CCDC169: variants seen among roughly 807,000 people sequenced by gnomAD.
The protein encoded by CCDC169 is coiled-coil domain containing 169, also known as coiled-coil domain-containing protein 169.
Under a neutral mutation model 36.0 loss-of-function variants are expected in CCDC169, and 30 were observed. That is an observed-to-expected ratio of 0.83 (90% CI 0.62 to 1.13). The LOEUF (loss-of-function observed/expected upper bound fraction) is 1.13. Among genes scored for constraint, CCDC169 ranks in the 50% most tolerant of loss-of-function variants. The pLI, the probability that CCDC169 is intolerant of heterozygous loss-of-function variation, is 0.00. For missense variants in CCDC169, 245 were observed against 245.9 expected (o/e 1.00, Z 0.03); for synonymous variants, 85 against 81.5 (o/e 1.04, Z -0.23).
At chr13:36,240,595 G>A (rs1445294608) in intron 7 of CCDC169, 2 of 1,274,460 alleles carry the variant, frequency 1.6e-6, no homozygotes, top group African/African-American at 1.5e-5. Context: ...ATTTCCCTCA[G>A]GTTCTTTTGC....
chr13:36,279,156 T>G (rs754038943), intron 4 of CCDC169, among the ~76,000 whole-genome samples: 3 of 151,932 alleles, frequency 2.0e-5, no homozygotes, highest in Admixed American at 6.6e-5. Context: ...TCCTAGCTGG[T>G]TTCTCTGATT....
At chr13:36,258,715 A>T (rs1452679761) in intron 4 of CCDC169, among the ~76,000 whole-genome samples, 1 of 149,768 alleles carries the variant, frequency 6.7e-6, no homozygotes, top group Non-Finnish European at 1.5e-5. Flanking sequence ...GCATATAATC[A>T]AGAAATAAGC....
intron 4 of CCDC169, among the ~76,000 whole-genome samples, chr13:36,266,974 A>C (rs1875397738): frequency 6.6e-6 from 1 of 152,218 alleles, no homozygotes; most frequent in East Asian, 1.9e-4. Flanking sequence ...ATGGGATTAC[A>C]TGTACAAGGA....
chr13:36,230,815 T>A lies in CCDC169; in HGVS notation c.*378A>T. 1 of 989,550 alleles carries A rather than the reference T, an allele frequency of 1.0e-6. No homozygotes were observed. The highest frequency in any genetic ancestry group is 1.2e-6 in the Non-Finnish European group (1 of 832,916). The allele number at this position is 989,550 out of a possible 1,614,324, so 61.3% of individuals were successfully genotyped here. On this transcript the variant is annotated 3_prime_UTR_variant, in exon 8 of 8. Transcript: ENST00000239859. Reference sequence around the variant, plus strand: ...CTGCAATTTAAAAAACTGAGCAAGATCCAGCCCAAAATGGCAAAAAGGTTT... The same window carrying A: ...CTGCAATTTAAAAAACTGAGCAAGAACCAGCCCAAAATGGCAAAAAGGTTT...
Position 36,254,029 on chromosome 13 carries a change from T to C in CCDC169, c.414+16A>G. The stretch of plus-strand genomic sequence containing the variant: ...GCAGTTTCAAAGGAATTGCTAAGTA[T>C]AGAGTAAAAACAAACCTTTGATTCT... On this transcript the variant is annotated intron_variant, in intron 5 of 7. Transcript: ENST00000239859. The C allele has an allele frequency of 6.5e-7, 1 of 1,541,974 alleles. No homozygotes were observed. Among genetic ancestry groups the C allele is most frequent in the Non-Finnish European group, 8.7e-7 (1 of 1,143,026 alleles).
intron 2 of CCDC169, among the ~76,000 whole-genome samples, chr13:36,285,746 T>C (rs1878174322): frequency 6.6e-6 from 1 of 152,136 alleles, no homozygotes; most frequent in African/African-American, 2.4e-5. Flanking sequence ...AGGTCTGGCA[T>C]AAAGTGGCTT....
chr13:36,286,262 A>G (rs992840998), intron 2 of CCDC169, among the ~76,000 whole-genome samples: 19 of 152,156 alleles, frequency 1.2e-4, no homozygotes, highest in African/African-American at 4.3e-4. Flanking sequence ...TCAATGCTTC[A>G]CTGGTGCAAA....
chr13:36,244,259 A>G (rs1186061143), intron 7 of CCDC169, among the ~76,000 whole-genome samples: 1 of 152,230 alleles, frequency 6.6e-6, no homozygotes, highest in Non-Finnish European at 1.5e-5. Context: ...TTCCCAAATG[A>G]AAAGAATGAT....
chr13:36,285,421 G>T (rs1878062507), intron 2 of CCDC169, among the ~76,000 whole-genome samples: 1 of 151,976 alleles, frequency 6.6e-6, no homozygotes, highest in South Asian at 2.1e-4. Flanking sequence ...ATGGTGGCAG[G>T]TGCCTGTAAT....
intron 6 of CCDC169, among the ~76,000 whole-genome samples, chr13:36,252,662 T>C (rs1475133277): frequency 6.6e-6 from 1 of 152,186 alleles, no homozygotes; most frequent in Non-Finnish European, 1.5e-5. Flanking sequence ...CCACTGTATA[T>C]TCTCCCCAAA....
At chr13:36,235,843 T>C (rs1469171895) in intron 7 of CCDC169, among the ~76,000 whole-genome samples, 1 of 151,936 alleles carries the variant, frequency 6.6e-6, no homozygotes, top group Non-Finnish European at 1.5e-5. Context: ...ATCAACTGTA[T>C]TTCTAGACAC....
intron 4 of CCDC169, among the ~76,000 whole-genome samples, chr13:36,276,246 C>T (rs1359168101): frequency 6.6e-6 from 1 of 152,234 alleles, no homozygotes; most frequent in African/African-American, 2.4e-5. Context: ...GAACTTATAA[C>T]CTGAAATATA....
intron 4 of CCDC169, among the ~76,000 whole-genome samples, chr13:36,268,472 C>G (rs1875616738): frequency 6.6e-6 from 1 of 152,050 alleles, no homozygotes; most frequent in Admixed American, 6.5e-5. Context: ...ACAGCAAAAG[C>G]AGTGCTAAGA....
At position 36,253,294 on chromosome 13, in the gene CCDC169, T is replaced by A. The variant is rs369700470; in HGVS notation, c.468+509A>T. 2.6e-5 allele frequency among the ~76,000 whole-genome samples: 4 copies of A among 152,026 alleles called. No individual in the cohort carries two copies. The East Asian group carries it at 5.8e-4, about 22-fold the overall frequency. ...CTAAAAGGATAATTAAGGAAGCAAA[T>A]ACAAAAAATAACCTCTTAATTTGGA... On this transcript the variant is annotated intron_variant, in intron 6 of 7. Coordinates refer to ENST00000239859, the MANE Select transcript of CCDC169 (RefSeq NM_001144981.3).
downstream of CCDC169, chr13:36,225,209 C>CT (rs35290959): frequency 0.42 from 63,142 of 148,888 alleles, 14,009 homozygotes; most frequent in African/African-American, 0.57. Context: ...CTAGGAAACA[C>CT]TTTTTTTTTT....
chr13:36,227,285 T>C, downstream of CCDC169: 1 of 1,551,566 alleles, frequency 6.4e-7, no homozygotes, highest in Non-Finnish European at 8.7e-7. Context: ...GTCCGAGGCA[T>C]GTCCTATTCT....
At chr13:36,255,557 C>G (rs9546914) in intron 4 of CCDC169, among the ~76,000 whole-genome samples, 61,447 of 151,258 alleles carry the variant, frequency 0.41, 13,235 homozygotes, top group Non-Finnish European at 0.48. Context: ...AGCTACTCGG[C>G]AGGCTGAGGA....
intron 2 of CCDC169, among the ~76,000 whole-genome samples, chr13:36,288,033 G>A (rs191331613): frequency 4.3e-4 from 65 of 151,634 alleles, no homozygotes; most frequent in African/African-American, 1.5e-3. Context: ...TTTTGAGATG[G>A]AGTCTCGCTC....
chr13:36,280,797 G>A (rs1877415689), intron 4 of CCDC169: 1 of 152,286 alleles, frequency 6.6e-6, no homozygotes, highest in Non-Finnish European at 1.5e-5. Flanking sequence ...GAACGAATAT[G>A]TATGAATGAA....
Sources: gnomAD v4.1 joint callset for allele counts (sites outside exome capture counted in the v4.1 genomes callset) on GRCh38, gnomAD v4.1.1 for gene constraint, MANE v1.5 for transcripts, NCBI Gene and HGNC (gene_info 2026-07-23, HGNC 2026-07-21) for gene names.